SLC39A14: variants seen among roughly 807,000 people sequenced by gnomAD.
The protein encoded by SLC39A14 is metal cation symporter ZIP14.
SLC39A14 carries 19 observed loss-of-function variants against 45.5 expected under a neutral mutation model. The ratio of observed to expected loss-of-function variants is 0.42; its 90% confidence interval spans 0.29 to 0.61. SLC39A14 has a LOEUF of 0.61. Ranked by LOEUF, SLC39A14 falls within the 20% of genes least tolerant of loss-of-function variation. The pLI is 0.22. For synonymous variants in SLC39A14, 264 were observed against 251.3 expected (o/e 1.05, Z -0.48); for missense variants, 447 against 616.5 (o/e 0.73, Z 2.91).
chr8:22,415,634 C>T (rs1159917093), intron 5 of SLC39A14, 135 bp from the exon 6 acceptor site: 10 of 762,012 alleles, frequency 1.3e-5, no homozygotes, highest in South Asian at 9.8e-5. Flanking sequence ...TTTCTGGGCA[C>T]GTGACCTGCT....
intron 1 of SLC39A14, among the ~76,000 whole-genome samples, chr8:22,397,128 G>T (rs1166514912): frequency 2.6e-5 from 4 of 152,026 alleles, no homozygotes; most frequent in African/African-American, 9.7e-5. Context: ...TCAAACTACG[G>T]ATAGGGGTTC....
chr8:22,389,328 A>G (rs1833944897), intron 1 of SLC39A14, among the ~76,000 whole-genome samples: 1 of 152,122 alleles, frequency 6.6e-6, no homozygotes, highest in Admixed American at 6.6e-5. Context: ...TTTCCTGGAG[A>G]AATTACCACA....
rs200548182 is a variant in SLC39A14 at position 22,384,986 on chromosome 8, G to C, written c.-16+17578G>C. Among the ~76,000 whole-genome samples, 5 of 151,976 alleles carry C rather than the reference G, an allele frequency of 3.3e-5. No homozygotes were observed. The East Asian group carries it at 9.7e-4, about 29-fold the overall frequency. ...AATTGCTTGAACCCGGGAGGCGGAG[G>C]TTGCAGTGAGCTGAGATCGCGCCAC... On this transcript the variant is annotated intron_variant, in intron 1 of 8. Transcript: ENST00000381237.
At chr8:22,383,956 G>C (rs1335104453) in intron 1 of SLC39A14, among the ~76,000 whole-genome samples, 1 of 152,110 alleles carries the variant, frequency 6.6e-6, no homozygotes, top group East Asian at 1.9e-4. Flanking sequence ...CACTCCCCCA[G>C]GCCCGGGCTG....
At chr8:22,379,084 G>C (rs1265498644) in intron 1 of SLC39A14, among the ~76,000 whole-genome samples, 1 of 152,094 alleles carries the variant, frequency 6.6e-6, no homozygotes, top group African/African-American at 2.4e-5. Flanking sequence ...GCATTCCTTG[G>C]CTTCTGGCTG....
chr8:22,421,820 C>G lies in SLC39A14; in HGVS notation c.*2122C>G. On this transcript the variant is annotated 3_prime_UTR_variant, in exon 9 of 9. Coordinates refer to ENST00000381237, the MANE Select transcript of SLC39A14 (RefSeq NM_001128431.4). ...GGATTTCTAGTTTAGGAGAGGAGCT[C>G]AAAACTATAATCTTTAACAAATTGA... The G allele has an allele frequency of 3.0e-6, 3 of 985,134 alleles. No individual in the cohort carries two copies. The South Asian group carries it at 1.4e-4, about 46-fold the overall frequency. 61.0% of individuals were successfully genotyped at this position (985,134 alleles called of 1,614,324 possible).
At chr8:22,398,392 G>C (rs965605270) in intron 1 of SLC39A14, 1 of 152,236 alleles carries the variant, frequency 6.6e-6, no homozygotes, top group Non-Finnish European at 1.5e-5. Context: ...AGGGGTCGGG[G>C]GGCAGACACA....
At chr8:22,422,792 G>GT, downstream of SLC39A14, 1 of 789,712 alleles carries the variant, frequency 1.3e-6, no homozygotes, top group Non-Finnish European at 1.5e-6. Context: ...ACCAGGTCTG[G>GT]TTTAACATTT....
intron 2 of SLC39A14, 126 bp from the exon 3 acceptor site, chr8:22,408,184 A>C (rs1236924365): frequency 1.2e-6 from 1 of 837,428 alleles, no homozygotes; most frequent in Non-Finnish European, 1.9e-6. Flanking sequence ...GAATCTACAA[A>C]TTCCCTGAAA....
chr8:22,380,410 A>G (rs1833442835), intron 1 of SLC39A14, among the ~76,000 whole-genome samples: 1 of 152,196 alleles, frequency 6.6e-6, no homozygotes, highest in South Asian at 2.1e-4. Flanking sequence ...GTGTCAGGCC[A>G]GTTCCTGGGG....
rs1291648515 is a variant in SLC39A14 at position 22,404,989 on chromosome 8, C to T, written c.270+9C>T. 1.2e-6 allele frequency: 2 copies of T among 1,610,940 alleles called. No individual in the cohort carries two copies. The highest frequency in any genetic ancestry group is 1.1e-5 in the South Asian group (1 of 90,692). ...ACAGGAACCTCTCCACGGTAAGGCT[C>T]CCCTGTGAGCCAGCAGCTCTGCTCA... On this transcript the variant is annotated intron_variant, in intron 2 of 8. Transcript: ENST00000381237.
chr8:22,400,300 G>A (rs960896722), intron 1 of SLC39A14, among the ~76,000 whole-genome samples: 2 of 152,204 alleles, frequency 1.3e-5, no homozygotes, highest in Admixed American at 6.5e-5. Context: ...TGTCTGTTAC[G>A]TGGAGTAAGT....
At chr8:22,415,228 T>G (rs1296594285) in intron 5 of SLC39A14, 1 of 286,928 alleles carries the variant, frequency 3.5e-6, no homozygotes, top group African/African-American at 2.3e-5. Flanking sequence ...TCATTCTGTA[T>G]GAAGTATGAG....
chr8:22,392,059 G>T (rs1161167614), intron 1 of SLC39A14, among the ~76,000 whole-genome samples: 1 of 152,176 alleles, frequency 6.6e-6, no homozygotes, highest in Non-Finnish European at 1.5e-5. Flanking sequence ...TATCTTCAAG[G>T]AATACAAATC....
chr8:22,429,087 AC>A, intron 8 of SLC39A14, among the ~76,000 whole-genome samples: 1 of 152,122 alleles, frequency 6.6e-6, no homozygotes. Context: ...CCTGGCTAAC[AC>A]GGTGAAACCC....
intron 1 of SLC39A14, among the ~76,000 whole-genome samples, chr8:22,400,718 A>G (rs1382766214): frequency 6.6e-6 from 1 of 152,206 alleles, no homozygotes; most frequent in African/African-American, 2.4e-5. Context: ...TGCGTGCCCC[A>G]TACGTGGATC....
intron 1 of SLC39A14, among the ~76,000 whole-genome samples, chr8:22,386,736 C>T (rs577312577): frequency 5.3e-5 from 8 of 152,230 alleles, no homozygotes; most frequent in East Asian, 1.9e-4. Flanking sequence ...TTCCTCCATT[C>T]AAATTCCTTG....
intron 4 of SLC39A14, among the ~76,000 whole-genome samples, chr8:22,414,057 G>A (rs1244527028): frequency 1.3e-5 from 2 of 152,038 alleles, no homozygotes; most frequent in African/African-American, 4.8e-5. Context: ...ATGAGCCACC[G>A]TGCCCGGCCA....
chr8:22,402,801 T>G (rs1481363531), intron 1 of SLC39A14, among the ~76,000 whole-genome samples: 2 of 151,726 alleles, frequency 1.3e-5, no homozygotes, highest in African/African-American at 4.8e-5. Flanking sequence ...GCTATTTTAA[T>G]AAGTAGCAAA....
Sources: gnomAD v4.1 joint callset for allele counts (sites outside exome capture counted in the v4.1 genomes callset) on GRCh38, gnomAD v4.1.1 for gene constraint, MANE v1.5 for transcripts, NCBI Gene and HGNC (gene_info 2026-07-23, HGNC 2026-07-21) for gene names.